RNF128: variants seen among roughly 807,000 people sequenced by gnomAD.
The protein encoded by RNF128 is E3 ubiquitin-protein ligase RNF128.
RNF128 carries 13 observed loss-of-function variants against 26.2 expected under a neutral mutation model. The observed-to-expected ratio is 0.50, with a 90% CI of 0.32 to 0.79. The LOEUF is 0.79. RNF128 is among the 30% of genes least tolerant of loss of function. RNF128 has a pLI of 0.03. For missense variants in RNF128, 315 were observed against 349.7 expected (o/e 0.90, Z 0.79); for synonymous variants, 149 against 142.5 (o/e 1.05, Z -0.32).
At chrX:106,737,685 G>C (rs773751968) in intron 1 of RNF128, among the ~76,000 whole-genome samples, 1 of 111,328 alleles carries the variant, frequency 9.0e-6, no homozygotes, top group Non-Finnish European at 1.9e-5. Flanking sequence ...TCTTATCTTC[G>C]AAGATTTCAA....
At chrX:106,763,117 T>C (rs1047097578) in intron 1 of RNF128, among the ~76,000 whole-genome samples, 1 of 108,387 alleles carries the variant, frequency 9.2e-6, no homozygotes, top group African/African-American at 3.4e-5. Context: ...GATTCAACCA[T>C]GTTATGGCAA....
At chrX:106,738,661 A>G (rs1382694816) in intron 1 of RNF128, among the ~76,000 whole-genome samples, 1 of 112,069 alleles carries the variant, frequency 8.9e-6, no homozygotes, top group Admixed American at 9.5e-5. Flanking sequence ...GTGGTTAAGA[A>G]GAGGGGACTT....
At chrX:106,724,994 T>A (rs142290170), upstream of RNF128, among the ~76,000 whole-genome samples, 3,868 of 112,276 alleles carry the variant, frequency 0.034, 176 homozygotes, top group African/African-American at 0.12. Context: ...TCTCTGAACT[T>A]CATTTTTGTA....
intron 1 of RNF128, among the ~76,000 whole-genome samples, chrX:106,732,285 C>A (rs1370160539): frequency 8.9e-6 from 1 of 111,950 alleles, no homozygotes; most frequent in Non-Finnish European, 1.9e-5. Context: ...TCTTTTTGTT[C>A]CAATAGCACT....
intron 4 of RNF128, among the ~76,000 whole-genome samples, chrX:106,789,385 A>G (rs146804957): frequency 0.14 from 12,960 of 94,624 alleles, 2,438 homozygotes; most frequent in African/African-American, 0.47. Flanking sequence ...ATATTTATGT[A>G]TATATATGTA....
At chrX:106,756,525 G>A (rs1439615743) in intron 1 of RNF128, among the ~76,000 whole-genome samples, 1 of 109,969 alleles carries the variant, frequency 9.1e-6, no homozygotes, top group Admixed American at 9.6e-5. Context: ...GGGAAAACTG[G>A]CTAGCCATAT....
intron 1 of RNF128, among the ~76,000 whole-genome samples, chrX:106,758,438 A>C (rs1025768638): frequency 1.8e-5 from 2 of 111,652 alleles, no homozygotes; most frequent in Admixed American, 1.9e-4. Context: ...ATAATTATAG[A>C]ATTTATATGA....
At chrX:106,795,456 A>G in intron 6 of RNF128, 124 bp from the exon 7 acceptor site, 1 of 555,102 alleles carries the variant, frequency 1.8e-6, no homozygotes, top group Non-Finnish European at 2.8e-6. Context: ...GGTACAGGGA[A>G]TGAATATGGT....
rs775234963 is a variant in RNF128 at position 106,772,830 on chromosome X, C to G, written c.485-83C>G. The G allele has an allele frequency of 2.3e-5, 23 of 981,925 alleles. No homozygotes were observed. The South Asian group carries it at 4.6e-4, about 20-fold the overall frequency. 80.9% of individuals were successfully genotyped at this position (981,925 alleles called of 1,213,427 possible). A position where few individuals can be genotyped will look rare whatever the true frequency, so the allele number is the denominator to read the frequency against. ...GTATCCTTCCTTTGTCTCATTGAGA[C>G]CCATTTAAAATCATTTTAGCAATTG... On this transcript the variant is annotated intron_variant, in intron 1 of 6. Coordinates refer to ENST00000255499, the MANE Select transcript of RNF128 (RefSeq NM_194463.2).
chrX:106,739,827 C>T (rs752832507), intron 1 of RNF128, among the ~76,000 whole-genome samples: 1 of 110,811 alleles, frequency 9.0e-6, no homozygotes, highest in Non-Finnish European at 1.9e-5. Context: ...TTTTTGGTAC[C>T]TATATGATAC....
chrX:106,696,688 C>T (rs756057483), intron 1 of RNF128, among the ~76,000 whole-genome samples: 6 of 111,248 alleles, frequency 5.4e-5, no homozygotes, highest in African/African-American at 9.8e-5. Context: ...GCTCCCCCTA[C>T]CTCTTCATTC....
At chrX:106,783,017 GT>G (rs1046992942) in intron 2 of RNF128, among the ~76,000 whole-genome samples, 21 of 111,904 alleles carry the variant, frequency 1.9e-4, no homozygotes, top group African/African-American at 6.8e-4. Context: ...AATTTTTTTA[GT>G]TCACAATTAT....
chrX:106,709,499 G>T (rs1382482721), intron 1 of RNF128, among the ~76,000 whole-genome samples: 1 of 111,318 alleles, frequency 9.0e-6, no homozygotes, highest in African/African-American at 3.3e-5. Flanking sequence ...TGAAGCTGTG[G>T]TGGTTTTGTG....
intron 1 of RNF128, among the ~76,000 whole-genome samples, chrX:106,711,251 A>G (rs1247860612): frequency 8.9e-6 from 1 of 111,829 alleles, no homozygotes; most frequent in Non-Finnish European, 1.9e-5. Flanking sequence ...CCCTGCAAAA[A>G]TCTGAAATTA....
chrX:106,783,230 A>G (rs1930594378), intron 2 of RNF128, among the ~76,000 whole-genome samples: 1 of 111,526 alleles, frequency 9.0e-6, no homozygotes, highest in Non-Finnish European at 1.9e-5. Context: ...ACAAAATGAT[A>G]TCTTATATAG....
Position 106,727,070 on chromosome X carries a change from G to A in RNF128, c.157G>A (p.Val53Ile). 1 of 1,204,832 alleles carries A rather than the reference G, an allele frequency of 8.3e-7. No individual in the cohort carries two copies. Among genetic ancestry groups the A allele is most frequent in the African/African-American group, 1.7e-5 (1 of 57,958 alleles). The change falls in exon 1 of 7, where the codon GTT becomes ATT. Residue 53 changes from valine to isoleucine, a missense_variant. By Grantham distance (29) the Val-to-Ile change is conservative (BLOSUM62 3). Coordinates refer to ENST00000255499, the MANE Select transcript of RNF128 (RefSeq NM_194463.2). The stretch of plus-strand genomic sequence containing the variant: ...CGCGTACCTCAACGTGTCCTGGCGG[G>A]TTCCGCACACGGGAGTGAACCGTAC... Reference protein sequence around the residue: ...WTAYLNVSWRVPHTGVNRTVW... With the variant: ...WTAYLNVSWRIPHTGVNRTVW...
rs999842686 is a variant in RNF128, at chrX:106,726,727, G to C, written c.-187G>C. The stretch of plus-strand genomic sequence containing the variant: ...CGGTAGCGGAGAAGACTGGAGCTCC[G>C]AGGAGCTGCATCTGCGGCAACCTGT... On this transcript the variant is annotated 5_prime_UTR_variant, in exon 1 of 7. Transcript: ENST00000255499. The C allele has an allele frequency of 3.8e-6, 4 of 1,040,169 alleles. No homozygotes were observed. The highest frequency in any genetic ancestry group is 4.9e-6 in the Non-Finnish European group (4 of 818,885). 85.7% of individuals were successfully genotyped at this position (1,040,169 alleles called of 1,213,427 possible). A position where few individuals can be genotyped will look rare whatever the true frequency, so the allele number is the denominator to read the frequency against.
intron 2 of RNF128, among the ~76,000 whole-genome samples, chrX:106,780,274 C>T (rs1191856323): frequency 8.9e-6 from 1 of 111,753 alleles, no homozygotes; most frequent in Non-Finnish European, 1.9e-5. Context: ...AATATCTTTG[C>T]TTTCACCATA....
chrX:106,694,136 C>A (rs1048412509), exon 1 of RNF128: 1 of 1,208,481 alleles, frequency 8.3e-7, no homozygotes, highest in Admixed American at 2.2e-5. Flanking sequence ...AACTACACTG[C>A]AATAGAGACA....
Sources: gnomAD v4.1 joint callset for allele counts (sites outside exome capture counted in the v4.1 genomes callset) on GRCh38, gnomAD v4.1.1 for gene constraint, MANE v1.5 for transcripts, NCBI Gene and HGNC (gene_info 2026-07-23, HGNC 2026-07-21) for gene names.